DENND4C: variants seen among roughly 807,000 people sequenced by gnomAD.
DENND4C encodes DENN domain-containing protein 4C.
A neutral mutation model predicts 203.0 loss-of-function variants in DENND4C; 108 were observed. The ratio of observed to expected loss-of-function variants is 0.53; its 90% CI spans 0.46 to 0.62. DENND4C has a LOEUF of 0.62. DENND4C is among the 20% of genes least tolerant of loss of function. The probability of loss-of-function intolerance (pLI) is 0.00; values close to 1 mark genes in which losing one functional copy is unlikely to be tolerated. For synonymous variants in DENND4C, 871 were observed against 792.4 expected (o/e 1.10, Z -1.67); for missense variants, 2,481 against 2,301.2 (o/e 1.08, Z -1.60).
chr9:19,258,423 T>C (rs1211666228), intron 1 of DENND4C, among the ~76,000 whole-genome samples: 1 of 152,178 alleles, frequency 6.6e-6, no homozygotes, highest in Non-Finnish European at 1.5e-5. Flanking sequence ...GTATTCCTCG[T>C]TAACATATAT....
At chr9:19,267,304 T>C (rs1830699965) in intron 1 of DENND4C, among the ~76,000 whole-genome samples, 1 of 152,236 alleles carries the variant, frequency 6.6e-6, no homozygotes, top group Admixed American at 6.5e-5. Flanking sequence ...TGGGTGCATG[T>C]GTATTTATAA....
intron 23 of DENND4C, among the ~76,000 whole-genome samples, chr9:19,350,047 A>C (rs144549084): frequency 6.6e-6 from 1 of 152,256 alleles, no homozygotes; most frequent in East Asian, 1.9e-4. Flanking sequence ...GAAGACACAA[A>C]TCTTTCATTT....
chr9:19,295,046 G>A (rs1016043721), intron 5 of DENND4C, among the ~76,000 whole-genome samples: 6 of 152,090 alleles, frequency 3.9e-5, no homozygotes, highest in Non-Finnish European at 5.9e-5. Context: ...AAAGTGGTAC[G>A]TTTAATGTTA....
intron 1 of DENND4C, among the ~76,000 whole-genome samples, chr9:19,250,938 A>G (rs1188107922): frequency 2.0e-5 from 3 of 152,178 alleles, no homozygotes; most frequent in Non-Finnish European, 4.4e-5. Flanking sequence ...CAGCTTTTCC[A>G]GGAGAACGAT....
In DENND4C at chr9:19,352,603, C is replaced by T; in HGVS notation, c.4719C>T (p.Phe1573=). Residue 1573 remains phenylalanine (F), a synonymous_variant, in exon 26 of 33, where the codon TTC becomes TTT. Transcript: ENST00000434457. ...DDSNLNTACP[F]CKSNFLPLLN... ...CAAATTTGAATACAGCTTGTCCATT[C>T]TGTAAAAGCAACTTCTTGCCTCTTC... The T allele has an allele frequency of 6.2e-7, 1 of 1,613,570 alleles. No homozygotes were observed. Among genetic ancestry groups the T allele is most frequent in the Non-Finnish European group, 8.5e-7 (1 of 1,179,712 alleles).
At chr9:19,371,716 C>G (rs766786335) in intron 31 of DENND4C, 40 bp from the exon 32 acceptor site, 18 of 1,031,108 alleles carry the variant, frequency 1.7e-5, no homozygotes, top group Admixed American at 2.2e-5. Context: ...TGTTTTTATG[C>G]TATTTGCCCA....
At chr9:19,291,223 A>T (rs999800006) in intron 5 of DENND4C, 2 of 171,950 alleles carry the variant, frequency 1.2e-5, no homozygotes, top group African/African-American at 2.4e-5. Context: ...TTGAAATGAC[A>T]GAATGACAAT....
At chr9:19,357,835 A>T in intron 27 of DENND4C, 130 bp from the exon 28 acceptor site, 1 of 729,102 alleles carries the variant, frequency 1.4e-6, no homozygotes, top group Non-Finnish European at 2.1e-6. Context: ...TGCAATTCTT[A>T]CAAGGTGGTG....
chr9:19,294,710 C>T (rs1426054482), intron 5 of DENND4C, among the ~76,000 whole-genome samples: 1 of 152,100 alleles, frequency 6.6e-6, no homozygotes, highest in East Asian at 1.9e-4. Context: ...TCTTCCTTAA[C>T]AAGGAATGAA....
chr9:19,368,842 C>G (rs1047009245), intron 30 of DENND4C, among the ~76,000 whole-genome samples: 1 of 152,006 alleles, frequency 6.6e-6, no homozygotes, highest in Non-Finnish European at 1.5e-5. Flanking sequence ...TAAGTAAATA[C>G]AATTTTTACT....
At position 19,374,246 on chromosome 9, in the gene DENND4C, A is replaced by G. The variant is rs934308578; in HGVS notation, c.*2073A>G. Among the ~76,000 whole-genome samples the G allele has an allele frequency of 6.6e-6, 1 of 152,128 alleles. No homozygotes were observed. Among genetic ancestry groups the G allele is most frequent in the African/African-American group, 2.4e-5 (1 of 41,430 alleles). On this transcript the variant is annotated 3_prime_UTR_variant, in exon 33 of 33. Transcript: ENST00000434457. ...GTTTTCACTTACTGACGCGCTTCCC[A>G]TTAAAAAAAATCTGTAAAGATCTCT...
chr9:19,278,683 T>C (rs1465605027), intron 2 of DENND4C, among the ~76,000 whole-genome samples: 4 of 152,226 alleles, frequency 2.6e-5, no homozygotes, highest in East Asian at 3.8e-4. Flanking sequence ...ACTTGACCTT[T>C]ATGCAGCATT....
chr9:19,237,267 C>T (rs1822206825), intron 1 of DENND4C, among the ~76,000 whole-genome samples: 1 of 152,178 alleles, frequency 6.6e-6, no homozygotes, highest in African/African-American at 2.4e-5. Context: ...GATCCGCCCA[C>T]CTTGGCCTTC....
rs1354584045 is a variant in DENND4C at position 19,324,513 on chromosome 9, AG to A, written c.1953+7del. 1 of 1,598,874 alleles carries A rather than the reference AG, an allele frequency of 6.3e-7. No individual in the cohort carries two copies. Among genetic ancestry groups the A allele is most frequent in the South Asian group, 1.1e-5 (1 of 88,084 alleles). Reference sequence around the variant, plus strand: ...TTGATGACTGCATAGAAAAGGTAAAAGTTTGTACTTATACTAGTGTTTAGAA... The same window carrying A: ...TTGATGACTGCATAGAAAAGGTAAAATTTGTACTTATACTAGTGTTTAGAA... On this transcript the variant is annotated splice_region_variant and intron_variant, in intron 13 of 32. Transcript: ENST00000434457.
chr9:19,328,113 G>C lies in DENND4C; in HGVS notation c.2204G>C (p.Gly735Ala). ...LKLCFSRHPT[G>A]NSITKSPPLM... is the part of the protein sequence containing the mutation. Reference sequence around the variant, plus strand: ...CTTTGTTTTAGTAGACACCCTACTGGGAATAGCATTACAAAGAGTCCACCT... The same window carrying C: ...CTTTGTTTTAGTAGACACCCTACTGCGAATAGCATTACAAAGAGTCCACCT... Residue 735 changes from glycine (G) to alanine (A), a missense_variant, in exon 16 of 33, where the codon GGG becomes GCG. Around this residue, in one of 3 missense-constraint regions of DENND4C, gnomAD observed 2,289 missense variants for 2,113.3 expected, o/e 1.08. Transcript: ENST00000434457. 2 of 1,613,518 alleles carry C rather than the reference G, an allele frequency of 1.2e-6. No individual in the cohort carries two copies. The highest frequency in any genetic ancestry group is 2.2e-5 in the South Asian group (2 of 91,036).
chr9:19,369,774 A>G, intron 30 of DENND4C, 63 bp from the exon 31 acceptor site: 2 of 1,024,604 alleles, frequency 2.0e-6, no homozygotes, highest in Non-Finnish European at 1.3e-6. Context: ...CTCAAAAAAA[A>G]AAAAATAATA....
chr9:19,298,708 C>T (rs1171957844), intron 7 of DENND4C, among the ~76,000 whole-genome samples: 1 of 152,086 alleles, frequency 6.6e-6, no homozygotes, highest in East Asian at 1.9e-4. Flanking sequence ...CTGTATCTTT[C>T]TGGACCATAA....
chr9:19,245,592 C>T (rs1471063357), intron 1 of DENND4C, among the ~76,000 whole-genome samples: 1 of 151,804 alleles, frequency 6.6e-6, no homozygotes, highest in Non-Finnish European at 1.5e-5. Flanking sequence ...CGCGGTGGCT[C>T]ACTCCTGTAA....
chr9:19,354,294 C>G (rs552231446), intron 26 of DENND4C, among the ~76,000 whole-genome samples: 1 of 152,216 alleles, frequency 6.6e-6, no homozygotes, highest in African/African-American at 2.4e-5. Context: ...AAATACATGT[C>G]CCCTTTTGGA....
Sources: allele counts gnomAD v4.1 joint callset (sites outside exome capture counted in the v4.1 genomes callset), GRCh38; gene constraint gnomAD v4.1.1; regional missense constraint gnomAD v4.1.1; transcripts MANE v1.5; gene names NCBI Gene and HGNC (gene_info 2026-07-23, HGNC 2026-07-21).